RREB1: variants seen among roughly 807,000 people sequenced by gnomAD.
RREB1 encodes ras-responsive element-binding protein 1.
Under a neutral mutation model 117.8 loss-of-function variants are expected in RREB1, and 27 were observed. That is an observed-to-expected ratio of 0.23 (90% CI 0.17 to 0.32). The LOEUF (loss-of-function observed/expected upper bound fraction) is 0.32. RREB1 is among the 10% of genes least tolerant of loss of function. The pLI is 1.00. For synonymous variants in RREB1, 1,298 were observed against 1,026.7 expected, an observed-to-expected ratio of 1.26 and a Z score of -5.05; for missense variants, 2,577 against 2,378.2, an observed-to-expected ratio of 1.08 and a Z score of -1.74.
At chr6:7,157,013 G>T (rs563579743) in intron 1 of RREB1, among the ~76,000 whole-genome samples, 2 of 152,152 alleles carry the variant, frequency 1.3e-5, no homozygotes, top group South Asian at 2.1e-4. Context: ...TCTGACTGCC[G>T]CTGGGCTGCC....
At chr6:7,152,160 A>G (rs953961790) in intron 1 of RREB1, among the ~76,000 whole-genome samples, 1 of 152,236 alleles carries the variant, frequency 6.6e-6, no homozygotes, top group Non-Finnish European at 1.5e-5. Flanking sequence ...AGCTGTGTGT[A>G]TAAGTCCACT....
intron 1 of RREB1, among the ~76,000 whole-genome samples, chr6:7,151,980 C>G (rs959765547): frequency 1.1e-4 from 17 of 152,300 alleles, no homozygotes; most frequent in Non-Finnish European, 1.0e-4. Flanking sequence ...TTTTAGATGG[C>G]TTTCGTTTTC....
chr6:7,238,323 C>T (rs1422180900), intron 10 of RREB1, among the ~76,000 whole-genome samples: 3 of 152,198 alleles, frequency 2.0e-5, no homozygotes, highest in African/African-American at 4.8e-5. Flanking sequence ...CTGCCACCTC[C>T]GCCTCCCAGG....
In RREB1 at chr6:7,189,145, A is replaced by G. The variant is rs1581513035; in HGVS notation, c.262-14A>G. The G allele has an allele frequency of 1.2e-6, 2 of 1,609,744 alleles. No homozygotes were observed. The highest frequency in any genetic ancestry group is 2.2e-5 in the South Asian group (2 of 90,800). ...ACTTTCTTAAGTGACCGCTGTGACC[A>G]TTGCTTTCTGCAGCACAACACAGAC... On this transcript the variant is annotated splice_polypyrimidine_tract_variant and intron_variant, in intron 5 of 12. Coordinates refer to ENST00000379938, the MANE Select transcript of RREB1 (RefSeq NM_001003699.4).
At chr6:7,141,091 G>A (rs1215404817) in intron 1 of RREB1, among the ~76,000 whole-genome samples, 1 of 152,234 alleles carries the variant, frequency 6.6e-6, no homozygotes, top group Non-Finnish European at 1.5e-5. Context: ...GGACCGGGCA[G>A]CCGACTGCCC....
At chr6:7,173,943 G>T (rs968146679) in intron 1 of RREB1, among the ~76,000 whole-genome samples, 1 of 152,016 alleles carries the variant, frequency 6.6e-6, no homozygotes, top group Non-Finnish European at 1.5e-5. Flanking sequence ...GCATTGTCCC[G>T]TATCTCCCCC....
chr6:7,196,235 T>TTG (rs1765670780), intron 6 of RREB1, among the ~76,000 whole-genome samples: 1 of 149,122 alleles, frequency 6.7e-6, no homozygotes, highest in African/African-American at 2.5e-5. Flanking sequence ...TTTTTTGTTT[T>TTG]TTTTTTTTTT....
chr6:7,229,610 T>C lies in RREB1; in HGVS notation c.1511T>C (p.Met504Thr). 6.2e-7 allele frequency: 1 copy of C among 1,612,714 alleles called. No individual in the cohort carries two copies. The highest frequency in any genetic ancestry group is 8.5e-7 in the Non-Finnish European group (1 of 1,179,306). The stretch of plus-strand genomic sequence containing the variant: ...CCACTGCAGGCGATCTTCAAGCACA[T>C]GCCCCCTCTGAAGCCAAAGCCCCTG... The part of the protein sequence containing the change: ...AAPLQAIFKH[M>T]PPLKPKPLVT... Residue 504 changes from methionine to threonine, a missense_variant, in exon 10 of 13, where the codon ATG becomes ACG. Met to Thr is a moderately conservative substitution (Grantham distance 81). Coordinates refer to ENST00000379938, the MANE Select transcript of RREB1 (RefSeq NM_001003699.4). The surrounding 1 kb of genome is among the most constrained non-coding windows in gnomAD (Gnocchi z 4.5).
intron 8 of RREB1, chr6:7,212,443 C>T (rs1253259256): frequency 6.6e-6 from 1 of 152,290 alleles, no homozygotes; most frequent in Non-Finnish European, 1.5e-5. Context: ...ATCAGGCAAC[C>T]GTTAGTTCTG....
At chr6:7,238,612 G>C (rs1307774425) in intron 10 of RREB1, among the ~76,000 whole-genome samples, 1 of 151,660 alleles carries the variant, frequency 6.6e-6, no homozygotes, top group African/African-American at 2.4e-5. Context: ...TTTTTAATGT[G>C]GATGTTTTAA....
chr6:7,231,118 C>G lies in RREB1; in HGVS notation c.3019C>G (p.Pro1007Ala). Reference protein sequence around the residue: ...PAATPEPPAQPLQGPVQLAVP... With the variant: ...PAATPEPPAQALQGPVQLAVP... ...GGCCACCCCGGAACCCCCAGCACAG[C>G]CCCTGCAGGGCCCTGTTCAGCTGGC... The change falls in exon 10 of 13, where the codon CCC becomes GCC. Residue 1007 changes from proline (P) to alanine (A), a missense_variant. Physicochemically the swap from Pro to Ala is conservative, Grantham distance 27. Transcript: ENST00000379938. 6.2e-7 allele frequency: 1 copy of G among 1,612,864 alleles called. No individual in the cohort carries two copies. The highest frequency in any genetic ancestry group is 8.5e-7 in the Non-Finnish European group (1 of 1,179,938).
At chr6:7,124,136 A>G (rs958314151) in intron 1 of RREB1, among the ~76,000 whole-genome samples, 2 of 152,016 alleles carry the variant, frequency 1.3e-5, no homozygotes, top group African/African-American at 4.8e-5. Context: ...TTTGTCGTTG[A>G]TTTTATTTTT....
chr6:7,229,668 G>A lies in RREB1; in HGVS notation c.1569G>A (p.Thr523=), dbSNP rs747053131. 5.0e-6 allele frequency: 8 copies of A among 1,610,114 alleles called. No individual in the cohort carries two copies. The African/African-American group carries it at 9.4e-5, about 19-fold the overall frequency. ...VTPRTVVATS[T]PPPLINAQQA... is the part of the protein sequence containing the mutation. The stretch of plus-strand genomic sequence containing the variant: ...CACGGACGGTGGTGGCCACCTCCAC[G>A]CCCCCGCCTCTCATCAACGCCCAGC... Residue 523 remains threonine (T), a synonymous_variant, in exon 10 of 13, where the codon ACG becomes ACA. Coordinates refer to ENST00000379938, the MANE Select transcript of RREB1 (RefSeq NM_001003699.4). The surrounding 1 kb of genome is among the most constrained non-coding windows in gnomAD (Gnocchi z 4.5).
At chr6:7,154,159 A>T (rs1763253782) in intron 1 of RREB1, among the ~76,000 whole-genome samples, 1 of 152,226 alleles carries the variant, frequency 6.6e-6, no homozygotes, top group Admixed American at 6.5e-5. Context: ...AAGGTTCTCT[A>T]TGCACATAAA....
At position 7,229,834 on chromosome 6, in the gene RREB1, C is replaced by G; in HGVS notation, c.1735C>G (p.Leu579Val). ...TQPHAATRLS[L>V]QQPRAELPGQ... ...GCCCCACGCGGCCACGCGGCTCTCC[C>G]TGCAGCAGCCGCGGGCGGAGCTGCC... Residue 579 changes from leucine (L) to valine (V), a missense_variant, in exon 10 of 13, where the codon CTG (leucine) becomes GTG (valine). Leu to Val is a conservative substitution (Grantham distance 32, BLOSUM62 1). Transcript: ENST00000379938. The surrounding 1 kb of genome is among the most constrained non-coding windows in gnomAD (Gnocchi z 4.5). 3.1e-6 allele frequency: 5 copies of G among 1,610,472 alleles called. No individual in the cohort carries two copies. The highest frequency in any genetic ancestry group is 4.2e-6 in the Non-Finnish European group (5 of 1,178,606).
chr6:7,244,830 G>A lies in RREB1; in HGVS notation c.3974-1594G>A, dbSNP rs529831413. On this transcript the variant is annotated intron_variant, in intron 11 of 12. Coordinates refer to ENST00000379938, the MANE Select transcript of RREB1 (RefSeq NM_001003699.4). ...GTACTGTCTCCTCAGACCTCAGGAC[G>A]GGGCAGAACCAGCTCCTTACCCCAG... 2.7e-4 allele frequency among the ~76,000 whole-genome samples: 41 copies of A among 152,290 alleles called. No homozygotes were observed. In the East Asian group the frequency reaches 5.8e-3, roughly 21 times the overall value.
At chr6:7,199,393 T>A (rs1464372016) in intron 6 of RREB1, among the ~76,000 whole-genome samples, 1 of 152,148 alleles carries the variant, frequency 6.6e-6, no homozygotes, top group Non-Finnish European at 1.5e-5. Context: ...AGCAGTTCCT[T>A]ATACATACTA....
rs1170879534 is a variant in RREB1, at chr6:7,182,065, A to T, written c.154A>T (p.Ile52Phe). Residue 52 changes from isoleucine (I) to phenylalanine (F), a missense_variant, in exon 4 of 13, where the codon ATT becomes TTT. Coordinates refer to ENST00000379938, the MANE Select transcript of RREB1 (RefSeq NM_001003699.4). ...CTCGAAGCCTCCAGGACCAAATCGG[A>T]TTGGCAGAAGGAACCAGGTAAGTGT... is the stretch of plus-strand genomic sequence containing the variant. ...SPSKPPGPNR[I>F]GRRNQETKEE... 1 of 1,614,160 alleles carries T rather than the reference A, an allele frequency of 6.2e-7. No homozygotes were observed.
chr6:7,223,014 G>A lies in RREB1; in HGVS notation c.708-3453G>A, dbSNP rs374837078. On this transcript the variant is annotated intron_variant, in intron 8 of 12. Transcript: ENST00000379938. ...TCACACCTGTAATCCCAACACTTTGGGAGGCCAATTCAGGAGCATTGCTTG... is the reference window on the plus strand; with the variant it reads ...TCACACCTGTAATCCCAACACTTTGAGAGGCCAATTCAGGAGCATTGCTTG... 5.9e-5 allele frequency among the ~76,000 whole-genome samples: 9 copies of A among 152,210 alleles called. No individual in the cohort carries two copies. The East Asian group carries it at 1.7e-3, about 29-fold the overall frequency.
Sources: allele counts gnomAD v4.1 joint callset (sites outside exome capture counted in the v4.1 genomes callset), GRCh38; gene constraint gnomAD v4.1.1; non-coding constraint Gnocchi (gnomAD v3.1); transcripts MANE v1.5; gene names NCBI Gene and HGNC (gene_info 2026-07-23, HGNC 2026-07-21).